The following MAN2A1 variants were observed in gnomAD, a reference collection of about 807,000 sequenced individuals.
MAN2A1 encodes the protein alpha-mannosidase 2.
Under a neutral mutation model 142.6 loss-of-function variants are expected in MAN2A1, and 76 were observed. The observed-to-expected ratio is 0.53, with a 90% CI of 0.44 to 0.65. The LOEUF (loss-of-function observed/expected upper bound fraction) is 0.65, where lower values mean the gene tolerates loss of function less well. Among genes scored for constraint, MAN2A1 ranks in the 30% least tolerant of loss-of-function variants. The pLI, the probability that MAN2A1 is intolerant of heterozygous loss-of-function variation, is 0.00. For missense variants in MAN2A1, 1,311 were observed against 1,365.1 expected, an observed-to-expected ratio of 0.96 and a Z score of 0.62; for synonymous variants, 559 against 473.2, an observed-to-expected ratio of 1.18 and a Z score of -2.35.
At position 109,855,278 on chromosome 5, in the gene MAN2A1, C is replaced by T. The variant is rs1755580069; in HGVS notation, c.3115C>T (p.Gln1039Ter). The change falls in exon 20 of 22, where the codon CAG becomes TAG. Residue 1039 changes from glutamine to a stop codon, truncating the protein, a stop_gained. Coordinates refer to ENST00000261483, the MANE Select transcript of MAN2A1 (RefSeq NM_002372.4). LOFTEE classifies it high-confidence loss of function. ...GCTGCAAGGTGAATTCTCTCCATTA[C>T]AGTCATCTTTGCCTTGTGACATTCA... ...LELQGEFSPL[Q>*]SSLPCDIHLV... The T allele has an allele frequency of 6.2e-7, 1 of 1,604,646 alleles. No individual in the cohort carries two copies. Among genetic ancestry groups the T allele is most frequent in the Non-Finnish European group, 8.5e-7 (1 of 1,176,870 alleles).
intron 1 of MAN2A1, among the ~76,000 whole-genome samples, chr5:109,701,176 G>T (rs1440702553): frequency 1.3e-5 from 2 of 152,168 alleles, no homozygotes; most frequent in Non-Finnish European, 1.5e-5. Flanking sequence ...CTGATATAAA[G>T]ACAAAGGCCT....
chr5:109,831,497 C>T (rs1307400350), intron 16 of MAN2A1, among the ~76,000 whole-genome samples: 1 of 151,932 alleles, frequency 6.6e-6, no homozygotes, highest in Non-Finnish European at 1.5e-5. Context: ...ACTCTTTGTC[C>T]CTTATATATT....
At chr5:109,841,503 A>G (rs774475611) in intron 16 of MAN2A1, among the ~76,000 whole-genome samples, 1 of 152,158 alleles carries the variant, frequency 6.6e-6, no homozygotes, top group Non-Finnish European at 1.5e-5. Flanking sequence ...TACACCCTTG[A>G]TCTGTATTAA....
chr5:109,776,589 A>G (rs1390243840), intron 8 of MAN2A1, among the ~76,000 whole-genome samples: 1 of 152,114 alleles, frequency 6.6e-6, no homozygotes, highest in Non-Finnish European at 1.5e-5. Flanking sequence ...GCCTACTAGA[A>G]CAGTTTTTTA....
intron 5 of MAN2A1, among the ~76,000 whole-genome samples, chr5:109,755,754 T>C (rs975716623): frequency 6.6e-6 from 1 of 152,010 alleles, no homozygotes; most frequent in Non-Finnish European, 1.5e-5. Flanking sequence ...AAAACCTAAT[T>C]ATGGTAGCTT....
chr5:109,788,965 A>G lies in MAN2A1; in HGVS notation c.1792A>G (p.Ile598Val). 2 of 1,599,114 alleles carry G rather than the reference A, an allele frequency of 1.3e-6. No homozygotes were observed. Among genetic ancestry groups the G allele is most frequent in the Non-Finnish European group, 1.7e-6 (2 of 1,167,910 alleles). ...TCATTCGTTAATGGTTTTGGAGAAGATAATTGGAAATTCTGCATTTCTTCT... is the reference window on the plus strand; with the variant it reads ...TCATTCGTTAATGGTTTTGGAGAAGGTAATTGGAAATTCTGCATTTCTTCT... ...LFHSLMVLEKIIGNSAFLLIL... is the reference protein window; with the variant it reads ...LFHSLMVLEKVIGNSAFLLIL... Residue 598 changes from isoleucine (I) to valine (V), a missense_variant, in exon 11 of 22, where the codon ATA (isoleucine) becomes GTA (valine). Coordinates refer to ENST00000261483, the MANE Select transcript of MAN2A1 (RefSeq NM_002372.4).
chr5:109,748,590 G>A (rs1240473540), intron 4 of MAN2A1, among the ~76,000 whole-genome samples: 2 of 152,094 alleles, frequency 1.3e-5, no homozygotes, highest in Non-Finnish European at 2.9e-5. Flanking sequence ...TGGAAGAAAA[G>A]TTAGATTTTC....
At chr5:109,783,042 T>C (rs1484716139) in intron 9 of MAN2A1, among the ~76,000 whole-genome samples, 2 of 152,136 alleles carry the variant, frequency 1.3e-5, no homozygotes, top group Admixed American at 1.3e-4. Context: ...AGTTATCTCT[T>C]ATACTATTCT....
chr5:109,795,517 A>G (rs917789123), intron 12 of MAN2A1, among the ~76,000 whole-genome samples: 2 of 152,198 alleles, frequency 1.3e-5, no homozygotes, highest in African/African-American at 4.8e-5. Flanking sequence ...TAGGAATACC[A>G]AAACCTTGGC....
At chr5:109,721,032 C>G (rs556030182) in intron 3 of MAN2A1, among the ~76,000 whole-genome samples, 1 of 152,138 alleles carries the variant, frequency 6.6e-6, no homozygotes, top group African/African-American at 2.4e-5. Context: ...ATTGCCTGTA[C>G]GGCATCAGGG....
chr5:109,730,920 G>C (rs1389272415), intron 4 of MAN2A1, among the ~76,000 whole-genome samples: 1 of 152,162 alleles, frequency 6.6e-6, no homozygotes, highest in Non-Finnish European at 1.5e-5. Context: ...CTAGTGATTT[G>C]AAGTGCAATC....
rs1266307097 is a variant in MAN2A1, at chr5:109,809,944, G to GT, written c.1944-7323dup. ...TTTTTTTCACCACTTCCATTTGTAT[G>GT]TTTTTTATTGACTTCTCTTTTGCTG... is the stretch of plus-strand genomic sequence containing the variant. On this transcript the variant is annotated intron_variant, in intron 12 of 21. Coordinates refer to ENST00000261483, the MANE Select transcript of MAN2A1 (RefSeq NM_002372.4). 2.6e-5 allele frequency among the ~76,000 whole-genome samples: 4 copies of GT among 151,528 alleles called. No homozygotes were observed. In the East Asian group the frequency reaches 7.8e-4, roughly 30 times the overall value.
intron 7 of MAN2A1, among the ~76,000 whole-genome samples, chr5:109,774,403 C>T (rs1474339290): frequency 6.6e-6 from 1 of 152,018 alleles, no homozygotes; most frequent in Non-Finnish European, 1.5e-5. Flanking sequence ...TCCTTATTGT[C>T]TTACTAGATA....
At chr5:109,849,288 T>C (rs961190997) in intron 19 of MAN2A1, among the ~76,000 whole-genome samples, 2 of 152,182 alleles carry the variant, frequency 1.3e-5, no homozygotes, top group Admixed American at 6.5e-5. Flanking sequence ...CTAATACATA[T>C]CTCCAACTTA....
chr5:109,854,768 A>G (rs1755564005), intron 19 of MAN2A1: 1 of 160,118 alleles, frequency 6.2e-6, no homozygotes, highest in Non-Finnish European at 1.4e-5. Flanking sequence ...ATAATATTTG[A>G]TGATGCACAA....
Position 109,789,015 on chromosome 5 carries a change from C to A in MAN2A1, c.1842C>A (p.Tyr614Ter). 1 of 1,598,184 alleles carries A rather than the reference C, an allele frequency of 6.3e-7. No individual in the cohort carries two copies. The change falls in exon 11 of 22, where the codon TAC (tyrosine) becomes TAA (stop). Residue 614 changes from tyrosine (Y) to a stop codon, truncating the protein, a stop_gained. Transcript: ENST00000261483. LOFTEE classifies it high-confidence loss of function. ...FLLILKDKLT[Y>*]DSYSPDTFLE... ...TTATTTTGAAGGACAAACTCACATA[C>A]GACTCTTACTCTCCTGATACCTTCC...
chr5:109,778,009 T>G (rs1413310009), intron 8 of MAN2A1, among the ~76,000 whole-genome samples: 3 of 152,016 alleles, frequency 2.0e-5, no homozygotes, highest in African/African-American at 7.2e-5. Flanking sequence ...TTTGTTCTCC[T>G]TCCCAAAATT....
At chr5:109,761,955 A>G (rs1405686157) in intron 5 of MAN2A1, among the ~76,000 whole-genome samples, 1 of 152,102 alleles carries the variant, frequency 6.6e-6, no homozygotes, top group Non-Finnish European at 1.5e-5. Context: ...CTTTGTTTTA[A>G]ACAGTATTTT....
chr5:109,747,721 G>A (rs541077658), intron 4 of MAN2A1, among the ~76,000 whole-genome samples: 2 of 152,236 alleles, frequency 1.3e-5, no homozygotes, highest in Admixed American at 1.3e-4. Context: ...GAACAAGCAA[G>A]TTGACATGCT....
Sources: allele counts gnomAD v4.1 joint callset (sites outside exome capture counted in the v4.1 genomes callset), GRCh38; gene constraint gnomAD v4.1.1; transcripts MANE v1.5; gene names NCBI Gene and HGNC (gene_info 2026-07-23, HGNC 2026-07-21).